Variants in AUTS2 observed in about 807,000 individuals in gnomAD.
AUTS2 encodes the protein autism susceptibility gene 2 protein.
AUTS2 carries 17 observed loss-of-function variants against 112.4 expected under a neutral mutation model. The ratio of observed to expected loss-of-function variants is 0.15; its 90% CI spans 0.10 to 0.23. The LOEUF is 0.23. Ranked by LOEUF, AUTS2 falls within the 10% of genes least tolerant of loss-of-function variation. AUTS2 has a pLI of 1.00. For missense variants in AUTS2, 1,510 were observed against 1,701.6 expected, an observed-to-expected ratio of 0.89 and a Z score of 1.98; for synonymous variants, 751 against 702.7, an observed-to-expected ratio of 1.07 and a Z score of -1.09.
In AUTS2 at chr7:69,999,284, T is replaced by A. The variant is rs79207380; in HGVS notation, c.522+99786T>A. Among the ~76,000 whole-genome samples the A allele has an allele frequency of 6.0e-3, 921 of 152,254 alleles. 10 individuals are homozygous for A. The highest frequency in any genetic ancestry group is 7.5e-3 in the Non-Finnish European group (512 of 68,018). On this transcript the variant is annotated intron_variant, in intron 2 of 18. Transcript: ENST00000342771. The stretch of plus-strand genomic sequence containing the variant: ...TGTAGAAAAATGTATGTTGCCTGAA[T>A]CTGAAGGCATGGATTGTAGGCCTGG...
intron 1 of AUTS2, among the ~76,000 whole-genome samples, chr7:69,618,444 G>A (rs926415044): frequency 6.6e-6 from 1 of 152,126 alleles, no homozygotes. Flanking sequence ...TGACTGGAGC[G>A]TTTTTCAAGA....
chr7:70,098,071 G>GA (rs979575187), intron 2 of AUTS2, among the ~76,000 whole-genome samples: 72 of 151,196 alleles, frequency 4.8e-4, no homozygotes, highest in African/African-American at 1.5e-3. Context: ...CCCATTAAAA[G>GA]AAAAAAAAAT....
intron 4 of AUTS2, among the ~76,000 whole-genome samples, chr7:70,204,744 A>G (rs987825852): frequency 6.6e-6 from 1 of 152,146 alleles, no homozygotes; most frequent in Non-Finnish European, 1.5e-5. Flanking sequence ...GTAACCAATA[A>G]ATGTTGAACT....
chr7:70,724,782 GT>G (rs1402126558), intron 6 of AUTS2, among the ~76,000 whole-genome samples: 2 of 152,172 alleles, frequency 1.3e-5, no homozygotes, highest in African/African-American at 4.8e-5. Context: ...TGCTAAGGTG[GT>G]AGCATACTGC....
At chr7:69,672,817 A>G (rs1298754121) in intron 1 of AUTS2, among the ~76,000 whole-genome samples, 1 of 152,170 alleles carries the variant, frequency 6.6e-6, no homozygotes, top group Non-Finnish European at 1.5e-5. Context: ...TGGTTCTGGC[A>G]TATCTGGTTC....
chr7:70,307,519 G>A (rs1789543078), intron 4 of AUTS2, among the ~76,000 whole-genome samples: 2 of 152,182 alleles, frequency 1.3e-5, no homozygotes, highest in South Asian at 4.1e-4. Flanking sequence ...GCTCACTAAA[G>A]TTTTTCTTAT....
chr7:70,179,917 T>A (rs185324059), intron 4 of AUTS2, among the ~76,000 whole-genome samples: 2 of 152,314 alleles, frequency 1.3e-5, no homozygotes, highest in Admixed American at 6.5e-5. Flanking sequence ...GTAATTCCCA[T>A]GGGCTGTAGC....
rs75953560 is a variant in AUTS2, at chr7:70,405,189, G to A, written c.661-30563G>A. ...GTATACCATAAAGCTATATTTATGTGCTAAGACAAGCAATTGATGTTGTTC... is the reference window on the plus strand; with the variant it reads ...GTATACCATAAAGCTATATTTATGTACTAAGACAAGCAATTGATGTTGTTC... On this transcript the variant is annotated intron_variant, in intron 4 of 18. Coordinates refer to ENST00000342771, the MANE Select transcript of AUTS2 (RefSeq NM_015570.4). Among the ~76,000 whole-genome samples the A allele has an allele frequency of 6.8e-3, 1,039 of 152,280 alleles. 16 individuals carry two copies. Among genetic ancestry groups the A allele is most frequent in the African/African-American group, 0.024 (1,000 of 41,554 alleles).
In AUTS2 at chr7:70,435,801, A is replaced by G. The variant is rs1795870300; in HGVS notation, c.690+20A>G. On this transcript the variant is annotated intron_variant, in intron 5 of 18. Transcript: ENST00000342771. Reference sequence around the variant, plus strand: ...GAGAAGGTAAGACCCCCCCTCCCCCATTGTGGGCACAGCACATAACACACT... The same window carrying G: ...GAGAAGGTAAGACCCCCCCTCCCCCGTTGTGGGCACAGCACATAACACACT... 1 of 1,612,622 alleles carries G rather than the reference A, an allele frequency of 6.2e-7. No individual in the cohort carries two copies. Among genetic ancestry groups the G allele is most frequent in the Middle Eastern group, 1.7e-4 (1 of 6,058 alleles).
intron 14 of AUTS2, among the ~76,000 whole-genome samples, chr7:70,780,007 C>CCTAT (rs530055206): frequency 7.9e-5 from 12 of 151,388 alleles, no homozygotes; most frequent in East Asian, 3.9e-4. Context: ...AGAGCGAGAC[C>CCTAT]CTATCTATCT....
intron 4 of AUTS2, among the ~76,000 whole-genome samples, chr7:70,250,307 T>C (rs1175616622): frequency 6.6e-6 from 1 of 152,170 alleles, no homozygotes; most frequent in Non-Finnish European, 1.5e-5. Context: ...TCTCAAAGCA[T>C]GGTCTAAGGA....
chr7:70,548,835 G>A (rs190011700), intron 5 of AUTS2, among the ~76,000 whole-genome samples: 94 of 151,666 alleles, frequency 6.2e-4, no homozygotes, highest in Admixed American at 5.6e-3. Flanking sequence ...GGAACTGTGC[G>A]TCTCCCAATT....
At chr7:70,116,124 G>A (rs1042341009) in intron 2 of AUTS2, among the ~76,000 whole-genome samples, 1 of 152,194 alleles carries the variant, frequency 6.6e-6, no homozygotes, top group African/African-American at 2.4e-5. Context: ...CATACAACTT[G>A]CATCTGAATT....
intron 4 of AUTS2, among the ~76,000 whole-genome samples, chr7:70,401,797 G>C (rs1276390461): frequency 6.6e-6 from 1 of 152,230 alleles, no homozygotes; most frequent in Non-Finnish European, 1.5e-5. Context: ...CCTTCCACCA[G>C]CGTGATTTTG....
At chr7:70,043,761 C>T (rs1801374138) in intron 2 of AUTS2, among the ~76,000 whole-genome samples, 1 of 152,092 alleles carries the variant, frequency 6.6e-6, no homozygotes, top group South Asian at 2.1e-4. Context: ...AGACATGCGC[C>T]ACCACGTGCG....
chr7:70,017,801 A>T (rs1268927091), intron 2 of AUTS2, among the ~76,000 whole-genome samples: 1 of 149,758 alleles, frequency 6.7e-6, no homozygotes, highest in Non-Finnish European at 1.5e-5. Flanking sequence ...TTAATTGTAT[A>T]TGTTTATGTA....
At position 69,938,365 on chromosome 7, in the gene AUTS2, G is replaced by A. The variant is rs187755150; in HGVS notation, c.522+38867G>A. Among the ~76,000 whole-genome samples the A allele has an allele frequency of 2.0e-5, 3 of 152,288 alleles. No homozygotes were observed. The East Asian group carries it at 5.8e-4, about 29-fold the overall frequency. ...TTACCAAACTCCAGGAAACTTCCTT[G>A]ACTCTTGCGGGCTATATGGATCTCT... is the stretch of plus-strand genomic sequence containing the variant. On this transcript the variant is annotated intron_variant, in intron 2 of 18. Coordinates refer to ENST00000342771, the MANE Select transcript of AUTS2 (RefSeq NM_015570.4).
rs116258124 is a variant in AUTS2 at position 69,914,878 on chromosome 7, T to G, written c.522+15380T>G. On this transcript the variant is annotated intron_variant, in intron 2 of 18. Coordinates refer to ENST00000342771, the MANE Select transcript of AUTS2 (RefSeq NM_015570.4). Reference sequence around the variant, plus strand: ...CACGTGCCCTCGGTTTAAAATGTTTTGATCTTAGAAAACAGTTTATTTCCT... The same window carrying G: ...CACGTGCCCTCGGTTTAAAATGTTTGGATCTTAGAAAACAGTTTATTTCCT... Among the ~76,000 whole-genome samples, 442 of 152,320 alleles carry G rather than the reference T, an allele frequency of 2.9e-3. 5 individuals carry two copies. The highest frequency in any genetic ancestry group is 0.01 in the African/African-American group (428 of 41,564).
chr7:70,588,009 T>G (rs1282260049), intron 5 of AUTS2, among the ~76,000 whole-genome samples: 1 of 152,122 alleles, frequency 6.6e-6, no homozygotes, highest in Non-Finnish European at 1.5e-5. Context: ...AAAGGCATAT[T>G]TTTGTGGCCT....
Sources: gnomAD v4.1 joint callset for allele counts (sites outside exome capture counted in the v4.1 genomes callset) on GRCh38, gnomAD v4.1.1 for gene constraint, MANE v1.5 for transcripts, NCBI Gene and HGNC (gene_info 2026-07-23, HGNC 2026-07-21) for gene names.